The following CACNA2D3 variants were observed in gnomAD, a reference collection of about 807,000 sequenced individuals.
CACNA2D3 encodes voltage-dependent calcium channel subunit alpha-2/delta-3.
CACNA2D3 carries 60 observed loss-of-function variants against 160.6 expected under a neutral mutation model. The ratio of observed to expected loss-of-function variants is 0.37; its 90% CI spans 0.30 to 0.46. The LOEUF (loss-of-function observed/expected upper bound fraction) is 0.46, where lower values mean the gene tolerates loss of function less well. Ranked by LOEUF, CACNA2D3 falls within the 20% of genes least tolerant of loss-of-function variation. The pLI is 1.00. For synonymous variants in CACNA2D3, 558 were observed against 492.9 expected, an observed-to-expected ratio of 1.13 and a Z score of -1.75; for missense variants, 1,205 against 1,365.0, an observed-to-expected ratio of 0.88 and a Z score of 1.85.
intron 4 of CACNA2D3, among the ~76,000 whole-genome samples, chr3:54,447,214 A>G (rs962828709): frequency 1.3e-5 from 2 of 152,198 alleles, no homozygotes; most frequent in Non-Finnish European, 2.9e-5. Flanking sequence ...AAAATTATCT[A>G]TTTTAAGGAA....
At chr3:54,974,059 C>T (rs991338351) in intron 29 of CACNA2D3, among the ~76,000 whole-genome samples, 4 of 152,122 alleles carry the variant, frequency 2.6e-5, no homozygotes, top group African/African-American at 9.7e-5. Flanking sequence ...TTTCTCCAAT[C>T]AAACAAAAGG....
chr3:54,653,622 T>G (rs1699817275), intron 11 of CACNA2D3, among the ~76,000 whole-genome samples: 1 of 152,242 alleles, frequency 6.6e-6, no homozygotes, highest in Admixed American at 6.5e-5. Context: ...TAATTACTTC[T>G]GCTGGTATTA....
At chr3:54,954,336 G>A (rs1190038047) in intron 27 of CACNA2D3, among the ~76,000 whole-genome samples, 1 of 152,152 alleles carries the variant, frequency 6.6e-6, no homozygotes, top group Non-Finnish European at 1.5e-5. Context: ...GTGGCCTCTG[G>A]GAGGCTGTCT....
At chr3:54,265,144 C>G (rs1372137298) in intron 2 of CACNA2D3, among the ~76,000 whole-genome samples, 1 of 152,166 alleles carries the variant, frequency 6.6e-6, no homozygotes, top group Non-Finnish European at 1.5e-5. Flanking sequence ...GTTCTAGATC[C>G]TTGAGGAATC....
At chr3:54,717,666 ATGTGTGGTG>A (rs746016407) in intron 11 of CACNA2D3, among the ~76,000 whole-genome samples, 31 of 106,250 alleles carry the variant, frequency 2.9e-4, no homozygotes, top group Admixed American at 4.2e-4. Flanking sequence ...GTGTGTATGC[ATGTGTGGTG>A]TGTGTGGTGT....
chr3:54,851,979 G>A (rs1699068240), intron 17 of CACNA2D3, among the ~76,000 whole-genome samples: 1 of 152,194 alleles, frequency 6.6e-6, no homozygotes, highest in African/African-American at 2.4e-5. Flanking sequence ...AGTGTGACCA[G>A]ACATTTTGGA....
intron 17 of CACNA2D3, among the ~76,000 whole-genome samples, chr3:54,867,989 G>C (rs186860828): frequency 7.0e-4 from 106 of 152,304 alleles, no homozygotes; most frequent in African/African-American, 2.4e-3. Context: ...GGAAAACCGA[G>C]GTGATTAACC....
At chr3:54,859,763 C>T (rs1250567012) in intron 17 of CACNA2D3, among the ~76,000 whole-genome samples, 1 of 152,102 alleles carries the variant, frequency 6.6e-6, no homozygotes, top group African/African-American at 2.4e-5. Context: ...AAATTCCATG[C>T]TTTTGATGCC....
At position 54,879,331 on chromosome 3, in the gene CACNA2D3, T is replaced by C. The variant is rs757624117; in HGVS notation, c.1783-19T>C. The C allele has an allele frequency of 1.9e-6, 3 of 1,575,572 alleles. No homozygotes were observed. In the Admixed American group the frequency reaches 5.5e-5, roughly 29 times the overall value. On this transcript the variant is annotated intron_variant, in intron 19 of 37. Coordinates refer to ENST00000474759, the MANE Select transcript of CACNA2D3 (RefSeq NM_018398.3). ...CATGTTTTCTTTTCTCTACGACTTT[T>C]TTTTTTTTTTCAATCTAGAAACGGG... is the stretch of plus-strand genomic sequence containing the variant.
At chr3:54,467,547 G>A (rs1326854901) in intron 4 of CACNA2D3, among the ~76,000 whole-genome samples, 1 of 152,202 alleles carries the variant, frequency 6.6e-6, no homozygotes, top group Non-Finnish European at 1.5e-5. Context: ...GTCCTCATCT[G>A]CAAAATGGAG....
intron 13 of CACNA2D3, among the ~76,000 whole-genome samples, chr3:54,800,361 C>T (rs942925713): frequency 6.6e-6 from 1 of 152,234 alleles, no homozygotes; most frequent in Admixed American, 6.5e-5. Flanking sequence ...TTCTACCAGT[C>T]TGCATTCTCA....
chr3:54,860,613 G>T (rs1699269872), intron 17 of CACNA2D3, among the ~76,000 whole-genome samples: 2 of 152,210 alleles, frequency 1.3e-5, no homozygotes, highest in Admixed American at 1.3e-4. Flanking sequence ...TGCTCAGTAT[G>T]GAATTCTAGG....
At chr3:54,392,887 G>C (rs1053779140) in intron 4 of CACNA2D3, among the ~76,000 whole-genome samples, 5 of 152,162 alleles carry the variant, frequency 3.3e-5, no homozygotes, top group African/African-American at 1.2e-4. Flanking sequence ...GCCTTTCTAG[G>C]AAAAAGGATT....
chr3:54,966,261 G>A (rs2107061867), intron 27 of CACNA2D3, among the ~76,000 whole-genome samples: 1 of 152,292 alleles, frequency 6.6e-6, no homozygotes, highest in South Asian at 2.1e-4. Flanking sequence ...GACTCTTTCA[G>A]GGAGTCAGAC....
At chr3:54,852,263 A>G (rs1402242349) in intron 17 of CACNA2D3, among the ~76,000 whole-genome samples, 1 of 152,056 alleles carries the variant, frequency 6.6e-6, no homozygotes, top group Non-Finnish European at 1.5e-5. Context: ...TGGCCTGGAA[A>G]CTCTGCCTAT....
At chr3:54,635,559 A>C (rs1699352100) in intron 10 of CACNA2D3, among the ~76,000 whole-genome samples, 1 of 152,180 alleles carries the variant, frequency 6.6e-6, no homozygotes, top group East Asian at 1.9e-4. Context: ...GGGCCTAATA[A>C]AAAGGAGCAT....
intron 4 of CACNA2D3, among the ~76,000 whole-genome samples, chr3:54,441,822 A>T (rs1221099993): frequency 6.6e-6 from 1 of 152,212 alleles, no homozygotes; most frequent in Non-Finnish European, 1.5e-5. Context: ...CCATGGGCTG[A>T]ATGAATAATG....
At chr3:54,498,137 G>C (rs1293349212) in intron 4 of CACNA2D3, among the ~76,000 whole-genome samples, 1 of 151,368 alleles carries the variant, frequency 6.6e-6, no homozygotes, top group Non-Finnish European at 1.5e-5. Flanking sequence ...TTTTCCTAAA[G>C]AGTCTATATA....
chr3:54,968,837 G>A (rs761014823), intron 28 of CACNA2D3, among the ~76,000 whole-genome samples: 2 of 152,234 alleles, frequency 1.3e-5, no homozygotes, highest in South Asian at 2.1e-4. Flanking sequence ...TCCTGTGGTC[G>A]TGCCTGGTTA....
Sources: gnomAD v4.1 joint callset for allele counts (sites outside exome capture counted in the v4.1 genomes callset) on GRCh38, gnomAD v4.1.1 for gene constraint, MANE v1.5 for transcripts, NCBI Gene and HGNC (gene_info 2026-07-23, HGNC 2026-07-21) for gene names.